Variants in STYK1 observed in about 807,000 individuals in gnomAD.
The protein encoded by STYK1 is STY kinase 1.
Under a neutral mutation model 48.1 loss-of-function variants are expected in STYK1, and 46 were observed. The observed-to-expected ratio is 0.96, with a 90% CI of 0.75 to 1.22. STYK1 has a LOEUF of 1.22. STYK1 is among the 50% of genes most tolerant of loss of function. The pLI is 0.00. For missense variants in STYK1, 527 were observed against 521.1 expected (o/e 1.01, Z -0.11); for synonymous variants, 188 against 189.0 (o/e 0.99, Z 0.04).
At chr12:10,660,705 T>A (rs997294208) in intron 1 of STYK1, among the ~76,000 whole-genome samples, 1 of 152,154 alleles carries the variant, frequency 6.6e-6, no homozygotes, top group Non-Finnish European at 1.5e-5. Context: ...TGACCTCTGG[T>A]CATCCTCATT....
chr12:10,633,877 C>T (rs772069593), intron 4 of STYK1, 113 bp downstream of exon 4: 16 of 1,321,800 alleles, frequency 1.2e-5, no homozygotes, highest in Non-Finnish European at 1.6e-5. Flanking sequence ...CCATGCCTCT[C>T]TCATTGCAGG....
At chr12:10,639,143 C>CA (rs1947516954) in intron 1 of STYK1, among the ~76,000 whole-genome samples, 1 of 151,932 alleles carries the variant, frequency 6.6e-6, no homozygotes, top group Admixed American at 6.6e-5. Context: ...AAAACAAAAA[C>CA]AAAAAACAAA....
intron 1 of STYK1, among the ~76,000 whole-genome samples, 181 bp from the exon 2 acceptor site, chr12:10,637,377 G>A (rs1440449162): frequency 8.4e-5 from 12 of 142,616 alleles, no homozygotes; most frequent in African/African-American, 1.6e-4. Context: ...TCACTCTGTC[G>A]CCCAGGCTGG....
chr12:10,664,789 A>G (rs757631864), intron 1 of STYK1, among the ~76,000 whole-genome samples: 2 of 152,232 alleles, frequency 1.3e-5, no homozygotes, highest in Non-Finnish European at 2.9e-5. Flanking sequence ...GGAGATTATA[A>G]TTGTAGTTAT....
chr12:10,638,679 G>A lies in STYK1; in HGVS notation c.-194-1483C>T, dbSNP rs73264034. 2.5e-3 allele frequency among the ~76,000 whole-genome samples: 387 copies of A among 152,100 alleles called. 1 individual carries two copies. Among genetic ancestry groups the A allele is most frequent in the African/African-American group, 8.1e-3 (336 of 41,450 alleles). ...TTCAGTTAGCACAATACAGTCTCCCGGACACAATCTGCAATTTACCCATGA... is the reference window on the plus strand; with the variant it reads ...TTCAGTTAGCACAATACAGTCTCCCAGACACAATCTGCAATTTACCCATGA... On this transcript the variant is annotated intron_variant, in intron 1 of 10. Transcript: ENST00000075503.
At chr12:10,660,839 A>G (rs1200370288) in intron 1 of STYK1, among the ~76,000 whole-genome samples, 1 of 151,960 alleles carries the variant, frequency 6.6e-6, no homozygotes, top group Non-Finnish European at 1.5e-5. Context: ...AAGAGGAGAA[A>G]CCCTCCGTTC....
At chr12:10,624,932 C>T in intron 7 of STYK1, 73 bp from the exon 8 acceptor site, 2 of 1,357,898 alleles carry the variant, frequency 1.5e-6, no homozygotes, top group Non-Finnish European at 2.1e-6. Flanking sequence ...AGAGGCAGTC[C>T]TAGGAATCTT....
chr12:10,636,844 G>C (rs551303491), intron 2 of STYK1, among the ~76,000 whole-genome samples: 4 of 152,244 alleles, frequency 2.6e-5, no homozygotes, highest in Admixed American at 2.6e-4. Flanking sequence ...AGCTAGCTCA[G>C]ACTCATGAGC....
At chr12:10,669,098 C>A (rs1038065163) in intron 1 of STYK1, among the ~76,000 whole-genome samples, 1 of 152,172 alleles carries the variant, frequency 6.6e-6, no homozygotes, top group Non-Finnish European at 1.5e-5. Context: ...GCACCAAGAG[C>A]AGTGTCTGGC....
intron 1 of STYK1, among the ~76,000 whole-genome samples, 195 bp from the exon 2 acceptor site, chr12:10,637,391 G>T (rs1233047922): frequency 6.8e-6 from 1 of 148,106 alleles, no homozygotes; most frequent in African/African-American, 2.5e-5. Context: ...AGGCTGGAGT[G>T]CAGTGGCGTG....
intron 4 of STYK1, 38 bp downstream of exon 4, chr12:10,633,952 C>G: frequency 6.2e-7 from 1 of 1,606,588 alleles, no homozygotes. Context: ...TCTCCATCTT[C>G]TTTAAGCCCC....
At chr12:10,627,861 G>A (rs372940308) in intron 6 of STYK1, 137 bp from the exon 7 acceptor site, 1 of 626,810 alleles carries the variant, frequency 1.6e-6, no homozygotes, top group Non-Finnish European at 2.6e-6. Flanking sequence ...TTCAAAGTGA[G>A]GCTGTGGGAG....
At chr12:10,621,053 C>T (rs1485106612) in intron 10 of STYK1, among the ~76,000 whole-genome samples, 1 of 152,166 alleles carries the variant, frequency 6.6e-6, no homozygotes. Flanking sequence ...CTGCTTGATG[C>T]AGTAATTATT....
intron 6 of STYK1, 74 bp downstream of exon 6, chr12:10,629,419 C>T (rs1469261632): frequency 2.0e-5 from 30 of 1,479,598 alleles, no homozygotes; most frequent in Non-Finnish European, 2.8e-5. Context: ...TCATTTGTCA[C>T]ACTAACTGAC....
chr12:10,624,742 G>C lies in STYK1; in HGVS notation c.835C>G (p.Arg279Gly), dbSNP rs140055345. 6.2e-6 allele frequency: 10 copies of C among 1,613,978 alleles called. No individual in the cohort carries two copies. The African/African-American group carries it at 1.2e-4, about 19-fold the overall frequency. ...GTTTGAGTAGAGGAGATGGCCCCTCGGGTGTAAACTTCATAAGCCAGGCCT... is the reference window on the plus strand; with the variant it reads ...GTTTGAGTAGAGGAGATGGCCCCTCCGGTGTAAACTTCATAAGCCAGGCCT... ...GLGLAYEVYT[R>G]GAISSTQTIP... Residue 279 changes from arginine to glycine, a missense_variant, in exon 8 of 11, where the codon CGA becomes GGA. Physicochemically the swap from Arg to Gly is moderately radical, Grantham distance 125. Coordinates refer to ENST00000075503, the MANE Select transcript of STYK1 (RefSeq NM_018423.3).
chr12:10,664,896 T>A (rs1392438252), intron 1 of STYK1, among the ~76,000 whole-genome samples: 2 of 152,234 alleles, frequency 1.3e-5, no homozygotes, highest in Admixed American at 1.3e-4. Context: ...GGAAATCATT[T>A]CATAATAATT....
chr12:10,640,773 T>C (rs1443219361), intron 1 of STYK1: 1 of 152,168 alleles, frequency 6.6e-6, no homozygotes. Flanking sequence ...TGAGGAAGCT[T>C]AGTCTATATC....
At chr12:10,670,287 T>G (rs1591709199) in intron 1 of STYK1, among the ~76,000 whole-genome samples, 1 of 152,178 alleles carries the variant, frequency 6.6e-6, no homozygotes, top group South Asian at 2.1e-4. Context: ...ACGCCATGTT[T>G]ATTGCAGCAT....
chr12:10,656,937 G>A (rs1043102224), intron 1 of STYK1, among the ~76,000 whole-genome samples: 1 of 152,196 alleles, frequency 6.6e-6, no homozygotes, highest in Non-Finnish European at 1.5e-5. Context: ...TTCTTATTAT[G>A]AGAGAGCTTT....
Sources: allele counts gnomAD v4.1 joint callset (sites outside exome capture counted in the v4.1 genomes callset), GRCh38; gene constraint gnomAD v4.1.1; transcripts MANE v1.5; gene names NCBI Gene and HGNC (gene_info 2026-07-23, HGNC 2026-07-21).